The following KCNIP1 variants were observed in gnomAD, a reference collection of about 807,000 sequenced individuals.
KCNIP1 encodes A-type potassium channel modulatory protein KCNIP1.
Under a neutral mutation model 33.0 loss-of-function variants are expected in KCNIP1, and 18 were observed. The observed-to-expected ratio is 0.55, with a 90% CI of 0.38 to 0.81. KCNIP1 has a LOEUF of 0.81. Among genes scored for constraint, KCNIP1 ranks in the 30% least tolerant of loss-of-function variants. The pLI, the probability that KCNIP1 is intolerant of heterozygous loss-of-function variation, is 0.00. For synonymous variants in KCNIP1, 93 were observed against 98.3 expected, an observed-to-expected ratio of 0.95 and a Z score of 0.32; for missense variants, 238 against 271.6, an observed-to-expected ratio of 0.88 and a Z score of 0.87.
intron 1 of KCNIP1, among the ~76,000 whole-genome samples, chr5:170,555,487 A>G (rs1400455581): frequency 1.3e-5 from 2 of 152,186 alleles, no homozygotes; most frequent in Non-Finnish European, 1.5e-5. Context: ...TAAGTGAGGA[A>G]GCTGCAGAGT....
At chr5:170,712,822 AT>A in intron 1 of KCNIP1, 1 of 1,611,524 alleles carries the variant, frequency 6.2e-7, no homozygotes. Flanking sequence ...CGATGAATCG[AT>A]TTGGTAAAAT....
In KCNIP1 at chr5:170,732,891, A is replaced by G; in HGVS notation, c.527A>G (p.Asp176Gly). The G allele has an allele frequency of 1.2e-6, 2 of 1,610,942 alleles. No homozygotes were observed. The highest frequency in any genetic ancestry group is 1.7e-6 in the Non-Finnish European group (2 of 1,177,184). Residue 176 changes from aspartate (D) to glycine (G), a missense_variant, in exon 6 of 8, where the codon GAC becomes GGC. By Grantham distance (94) the Asp-to-Gly change is moderately conservative. Coordinates refer to ENST00000328939, the MANE Select transcript of KCNIP1 (RefSeq NM_014592.4). Reference sequence around the variant, plus strand: ...GAGGACACTCCAAGGCAGCATGTGGACGTCTTCTTCCAGGTAAGTGCACAC... The same window carrying G: ...GAGGACACTCCAAGGCAGCATGTGGGCGTCTTCTTCCAGGTAAGTGCACAC... ...LKEDTPRQHV[D>G]VFFQKMDKNK...
intron 1 of KCNIP1, among the ~76,000 whole-genome samples, chr5:170,561,767 G>A (rs536692542): frequency 3.9e-5 from 6 of 152,168 alleles, no homozygotes; most frequent in Non-Finnish European, 7.3e-5. Flanking sequence ...TTCCCACTGC[G>A]TGGTGGGCAT....
intron 1 of KCNIP1, among the ~76,000 whole-genome samples, chr5:170,573,345 A>G (rs60180703): frequency 0.073 from 11,165 of 152,158 alleles, 607 homozygotes; most frequent in African/African-American, 0.15. Context: ...CTGGGGCCCA[A>G]TTGAGCATGG....
intron 1 of KCNIP1, chr5:170,681,402 AG>A (rs1435603330): frequency 2.9e-6 from 1 of 344,400 alleles, no homozygotes; most frequent in African/African-American, 2.1e-5. Flanking sequence ...TGCGGGAGCC[AG>A]GAAGTTAGGG....
intron 1 of KCNIP1, among the ~76,000 whole-genome samples, chr5:170,714,971 T>C (rs1763596748): frequency 6.6e-6 from 1 of 152,174 alleles, no homozygotes; most frequent in South Asian, 2.1e-4. Context: ...ATCCCAGGCC[T>C]TCACACTCAC....
chr5:170,594,662 C>T (rs1205882552), intron 1 of KCNIP1, among the ~76,000 whole-genome samples: 1 of 152,124 alleles, frequency 6.6e-6, no homozygotes, highest in African/African-American at 2.4e-5. Flanking sequence ...AGCTGCCCAC[C>T]ACCACACCCA....
chr5:170,439,835 G>C (rs1230334880), intron 1 of KCNIP1, among the ~76,000 whole-genome samples: 1 of 152,254 alleles, frequency 6.6e-6, no homozygotes, highest in Non-Finnish European at 1.5e-5. Context: ...CTGAGAAGAA[G>C]TGGGCTTGCA....
At chr5:170,563,977 C>G (rs1757124980) in intron 1 of KCNIP1, among the ~76,000 whole-genome samples, 1 of 152,112 alleles carries the variant, frequency 6.6e-6, no homozygotes, top group Admixed American at 6.6e-5. Flanking sequence ...CAGGAAGATT[C>G]CTATCCCAAC....
intron 1 of KCNIP1, among the ~76,000 whole-genome samples, chr5:170,715,382 T>G (rs1365451587): frequency 1.3e-5 from 2 of 152,172 alleles, no homozygotes; most frequent in African/African-American, 4.8e-5. Context: ...GTGCAGTGAT[T>G]GTGCATTTTT....
intron 1 of KCNIP1, among the ~76,000 whole-genome samples, chr5:170,401,359 T>C (rs1754897192): frequency 6.6e-6 from 1 of 152,224 alleles, no homozygotes; most frequent in Non-Finnish European, 1.5e-5. Flanking sequence ...TGAATATTAT[T>C]ATGAACTTCA....
intron 1 of KCNIP1, among the ~76,000 whole-genome samples, chr5:170,538,372 C>T (rs534211836): frequency 7.2e-5 from 11 of 152,142 alleles, no homozygotes; most frequent in South Asian, 2.1e-4. Flanking sequence ...TATTCTATTA[C>T]GACTGTTATT....
At chr5:170,528,415 C>T (rs926872901) in intron 1 of KCNIP1, among the ~76,000 whole-genome samples, 2 of 152,196 alleles carry the variant, frequency 1.3e-5, no homozygotes, top group South Asian at 4.1e-4. Flanking sequence ...AATTTGCAAG[C>T]TGGGTGACCT....
At chr5:170,429,474 G>A (rs1755692530) in intron 1 of KCNIP1, among the ~76,000 whole-genome samples, 1 of 151,848 alleles carries the variant, frequency 6.6e-6, no homozygotes, top group South Asian at 2.1e-4. Flanking sequence ...TCAAATTCTT[G>A]TTGTACAAAT....
intron 1 of KCNIP1, chr5:170,422,353 G>A (rs1277930695): frequency 6.6e-6 from 1 of 152,204 alleles, no homozygotes; most frequent in African/African-American, 2.4e-5. Flanking sequence ...CTCATACTGA[G>A]CAAGAGACAG....
At chr5:170,487,086 T>C (rs1757114171) in intron 1 of KCNIP1, among the ~76,000 whole-genome samples, 1 of 152,162 alleles carries the variant, frequency 6.6e-6, no homozygotes, top group Non-Finnish European at 1.5e-5. Context: ...CTTTAAGGAA[T>C]TGGCCTACAT....
chr5:170,368,090 G>C (rs1228579825), intron 1 of KCNIP1, among the ~76,000 whole-genome samples: 1 of 152,092 alleles, frequency 6.6e-6, no homozygotes, highest in Non-Finnish European at 1.5e-5. Context: ...AAATGCTATT[G>C]ATATCGTATC....
intron 5 of KCNIP1, among the ~76,000 whole-genome samples, chr5:170,726,745 CAAAAAAAAA>C (rs57173351): frequency 1.8e-5 from 1 of 56,686 alleles, no homozygotes; most frequent in Non-Finnish European, 3.4e-5. Context: ...ACTAAAAATA[CAAAAAAAAA>C]AAAAAAAAAA....
At chr5:170,700,481 A>C (rs187652974) in intron 1 of KCNIP1, among the ~76,000 whole-genome samples, 26 of 152,310 alleles carry the variant, frequency 1.7e-4, no homozygotes, top group Admixed American at 1.5e-3. Flanking sequence ...AGATGAAAGG[A>C]TCACTTGAGC....
Sources: gnomAD v4.1 joint callset for allele counts (sites outside exome capture counted in the v4.1 genomes callset) on GRCh38, gnomAD v4.1.1 for gene constraint, MANE v1.5 for transcripts, NCBI Gene and HGNC (gene_info 2026-07-23, HGNC 2026-07-21) for gene names.